Variants in MGLL observed in about 807,000 individuals in gnomAD.
MGLL encodes lysophospholipase homolog.
A neutral mutation model predicts 29.1 loss-of-function variants in MGLL; 7 were observed. The ratio of observed to expected loss-of-function variants is 0.24; its 90% CI spans 0.14 to 0.45. The LOEUF is 0.45. Among genes scored for constraint, MGLL ranks in the 20% least tolerant of loss-of-function variants. The pLI is 0.99. For missense variants in MGLL, 356 were observed against 413.6 expected (o/e 0.86, Z 1.21); for synonymous variants, 148 against 168.3 (o/e 0.88, Z 0.93).
intron 2 of MGLL, chr3:127,799,341 A>C (rs749325966): frequency 1.3e-5 from 2 of 151,458 alleles, no homozygotes; most frequent in Non-Finnish European, 2.9e-5. Flanking sequence ...TCGAATGTGG[A>C]CTCTCCCAAC....
chr3:127,714,338 A>C (rs2075774918), intron 5 of MGLL, among the ~76,000 whole-genome samples: 1 of 152,188 alleles, frequency 6.6e-6, no homozygotes, highest in Non-Finnish European at 1.5e-5. Flanking sequence ...TGGAGGCAGA[A>C]GGTGACTTCC....
At chr3:127,735,886 G>A in intron 3 of MGLL, 2 of 1,563,580 alleles carry the variant, frequency 1.3e-6, no homozygotes, top group Non-Finnish European at 1.7e-6. Flanking sequence ...ATTTTCTCCT[G>A]TTCAGCTCTG....
chr3:127,774,461 C>T (rs541775197), intron 3 of MGLL, among the ~76,000 whole-genome samples: 1 of 152,310 alleles, frequency 6.6e-6, no homozygotes, highest in Non-Finnish European at 1.5e-5. Flanking sequence ...GTTAGGAGTG[C>T]AGTTGGGCAT....
intron 7 of MGLL, among the ~76,000 whole-genome samples, chr3:127,694,282 A>ATATATAT (rs1553752279): frequency 8.7e-6 from 1 of 114,904 alleles, no homozygotes; most frequent in African/African-American, 3.2e-5. Context: ...AAAAAAAAAA[A>ATATATAT]AAAAATATAT....
chr3:127,715,964 T>G, intron 5 of MGLL: 1 of 388,252 alleles, frequency 2.6e-6, no homozygotes, highest in Admixed American at 2.9e-5. Context: ...TGGATCCAGC[T>G]CAGGAGAGAG....
At chr3:127,807,663 T>C (rs896702148) in intron 2 of MGLL, among the ~76,000 whole-genome samples, 2 of 149,968 alleles carry the variant, frequency 1.3e-5, no homozygotes, top group African/African-American at 4.9e-5. Flanking sequence ...GACATAGTCA[T>C]ACAAGAACAG....
chr3:127,721,348 T>C (rs1210372019), intron 4 of MGLL, among the ~76,000 whole-genome samples, 185 bp from the exon 5 acceptor site: 3 of 152,108 alleles, frequency 2.0e-5, no homozygotes, highest in African/African-American at 7.2e-5. Flanking sequence ...ATTATACATG[T>C]TTTTTTCTCT....
chr3:127,737,480 GC>G (rs993227865), intron 3 of MGLL, among the ~76,000 whole-genome samples: 3 of 150,948 alleles, frequency 2.0e-5, no homozygotes, highest in African/African-American at 7.3e-5. Flanking sequence ...CTCAATAAAT[GC>G]CCACTGCCAT....
At chr3:127,816,404 T>C (rs2077756743) in intron 2 of MGLL, among the ~76,000 whole-genome samples, 2 of 152,180 alleles carry the variant, frequency 1.3e-5, no homozygotes, top group Non-Finnish European at 2.9e-5. Flanking sequence ...CAGTCCCACC[T>C]TTGAGGACAA....
intron 6 of MGLL, among the ~76,000 whole-genome samples, chr3:127,698,250 G>A (rs1456803484): frequency 6.6e-6 from 1 of 152,166 alleles, no homozygotes; most frequent in Non-Finnish European, 1.5e-5. Context: ...GGTTGGGGAG[G>A]GCTGTACCAC....
chr3:127,807,235 A>G (rs985127296), intron 2 of MGLL, among the ~76,000 whole-genome samples: 1 of 152,090 alleles, frequency 6.6e-6, no homozygotes, highest in African/African-American at 2.4e-5. Flanking sequence ...CATTTCATTT[A>G]TGTTATCAAA....
intron 7 of MGLL, among the ~76,000 whole-genome samples, chr3:127,693,171 C>T (rs1209214255): frequency 6.6e-6 from 1 of 152,200 alleles, no homozygotes; most frequent in Non-Finnish European, 1.5e-5. Context: ...CTCTGCCTGG[C>T]GTTTCCGGTC....
At chr3:127,815,651 G>C (rs1431306829) in intron 2 of MGLL, among the ~76,000 whole-genome samples, 1 of 152,194 alleles carries the variant, frequency 6.6e-6, no homozygotes, top group African/African-American at 2.4e-5. Flanking sequence ...CTTTCCGAGG[G>C]TGGAACACCA....
chr3:127,727,135 C>A lies in MGLL; in HGVS notation c.263-4569G>T, dbSNP rs115176046. Among the ~76,000 whole-genome samples, 282 of 152,316 alleles carry A rather than the reference C, an allele frequency of 1.9e-3. 1 individual carries two copies. The highest frequency in any genetic ancestry group is 6.3e-3 in the African/African-American group (262 of 41,578). ...TTTGACTTGTTTCTGTGTTCCCATT[C>A]ATTACCAAGAACTTCCCCCCTTCCT... On this transcript the variant is annotated intron_variant, in intron 3 of 7. Transcript: ENST00000265052.
intron 6 of MGLL, 95 bp from the exon 7 acceptor site, chr3:127,695,285 T>A: frequency 7.8e-7 from 1 of 1,277,258 alleles, no homozygotes; most frequent in Non-Finnish European, 1.1e-6. Context: ...TGCTCTGGCC[T>A]GAAGGGTTGA....
intron 1 of MGLL, chr3:127,822,074 T>G (rs1576331346): frequency 3.1e-6 from 2 of 647,546 alleles, no homozygotes; most frequent in East Asian, 5.6e-5. Context: ...ATTACAGTTT[T>G]TCCCCCTTCC....
chr3:127,783,361 G>A (rs192715571), intron 2 of MGLL, among the ~76,000 whole-genome samples: 3 of 152,158 alleles, frequency 2.0e-5, no homozygotes, highest in Admixed American at 1.3e-4. Flanking sequence ...TTTCTGCTGG[G>A]CTCTGGCCCC....
Position 127,692,076 on chromosome 3 carries a change from G to T in MGLL, c.*122C>A. ...GTTATTTTTTAGAAAATTGTGCTAA[G>T]GATTTCTCCAATTTCTGATTTTTTT... On this transcript the variant is annotated 3_prime_UTR_variant, in exon 8 of 8. Transcript: ENST00000265052. The T allele has an allele frequency of 8.3e-7, 1 of 1,209,634 alleles. No individual in the cohort carries two copies. The highest frequency in any genetic ancestry group is 1.3e-5 in the South Asian group (1 of 74,186). 74.9% of individuals were successfully genotyped at this position (1,209,634 alleles called of 1,614,324 possible).
At chr3:127,779,323 C>T (rs549271940) in intron 3 of MGLL, among the ~76,000 whole-genome samples, 43 of 152,122 alleles carry the variant, frequency 2.8e-4, no homozygotes, top group Non-Finnish European at 6.0e-4. Flanking sequence ...GTTGAGATCA[C>T]GCCACTGCAC....
Sources: gnomAD v4.1 joint callset for allele counts (sites outside exome capture counted in the v4.1 genomes callset) on GRCh38, gnomAD v4.1.1 for gene constraint, MANE v1.5 for transcripts, NCBI Gene and HGNC (gene_info 2026-07-23, HGNC 2026-07-21) for gene names.